IGF1R: variants seen among roughly 807,000 people sequenced by gnomAD.
IGF1R encodes insulin like growth factor 1 receptor, also known as insulin-like growth factor 1 receptor.
In IGF1R, 44 loss-of-function variants were observed where a neutral mutation model predicts 144.6. The ratio of observed to expected loss-of-function variants is 0.30; its 90% CI spans 0.24 to 0.39. The LOEUF (loss-of-function observed/expected upper bound fraction) is 0.39. IGF1R is among the 10% of genes least tolerant of loss of function. The pLI is 1.00. For missense variants in IGF1R, 1,355 were observed against 1,833.7 expected, an observed-to-expected ratio of 0.74 and a Z score of 4.77; for synonymous variants, 795 against 722.8, an observed-to-expected ratio of 1.10 and a Z score of -1.60.
At chr15:98,863,516 A>G (rs1052351297) in intron 2 of IGF1R, among the ~76,000 whole-genome samples, 7 of 152,180 alleles carry the variant, frequency 4.6e-5, no homozygotes, top group African/African-American at 1.7e-4. Context: ...TACACTTAGT[A>G]ATTGGATTCT....
At chr15:98,814,721 C>T (rs894609436) in intron 2 of IGF1R, among the ~76,000 whole-genome samples, 1 of 152,016 alleles carries the variant, frequency 6.6e-6, no homozygotes, top group Admixed American at 6.6e-5. Context: ...AGTGTCTTGG[C>T]CATTTGGAAT....
intron 2 of IGF1R, among the ~76,000 whole-genome samples, chr15:98,756,995 G>A (rs1418541079): frequency 6.6e-6 from 1 of 152,158 alleles, no homozygotes; most frequent in African/African-American, 2.4e-5. Context: ...CCAAGTACAT[G>A]ATTAAGTTTT....
At chr15:98,912,865 C>T (rs1222080882) in intron 7 of IGF1R, among the ~76,000 whole-genome samples, 179 bp from the exon 8 acceptor site, 1 of 152,118 alleles carries the variant, frequency 6.6e-6, no homozygotes, top group African/African-American at 2.4e-5. Context: ...TCTGTAATGC[C>T]CGACTGGGGA....
intron 1 of IGF1R, among the ~76,000 whole-genome samples, chr15:98,670,698 G>C (rs974392895): frequency 5.3e-5 from 8 of 152,194 alleles, no homozygotes; most frequent in Non-Finnish European, 1.0e-4. Context: ...TTTGCACATT[G>C]CAGTTATATT....
Position 98,703,559 on chromosome 15 carries a change from T to G in IGF1R, c.95-4003T>G, listed in dbSNP as rs1237759673. On this transcript the variant is annotated intron_variant, in intron 1 of 20. Transcript: ENST00000650285. ...TCGTGCTCTGTGGTTTGGGCTTGTC[T>G]TTTCTTCCAGAGTAAGTGGGTAGCT... Among the ~76,000 whole-genome samples the G allele has an allele frequency of 3.3e-5, 5 of 152,236 alleles. No individual in the cohort carries two copies. The East Asian group carries it at 9.6e-4, about 29-fold the overall frequency.
chr15:98,864,079 G>A (rs2012300552), intron 2 of IGF1R, among the ~76,000 whole-genome samples: 1 of 151,782 alleles, frequency 6.6e-6, no homozygotes. Flanking sequence ...GCAACATAGG[G>A]AAACCACATC....
intron 5 of IGF1R, among the ~76,000 whole-genome samples, chr15:98,908,448 G>C (rs1329196088): frequency 2.0e-5 from 3 of 152,238 alleles, no homozygotes; most frequent in Non-Finnish European, 4.4e-5. Flanking sequence ...GATGGTAATA[G>C]TGGTCATAGA....
At chr15:98,952,088 T>C (rs1000003525) in intron 20 of IGF1R, among the ~76,000 whole-genome samples, 1 of 152,206 alleles carries the variant, frequency 6.6e-6, no homozygotes, top group Non-Finnish European at 1.5e-5. Context: ...CACAGGTACA[T>C]AGTTTGCCTG....
chr15:98,860,168 C>T (rs925728750), intron 2 of IGF1R, among the ~76,000 whole-genome samples: 1 of 152,270 alleles, frequency 6.6e-6, no homozygotes, highest in African/African-American at 2.4e-5. Context: ...TGACTCTGAA[C>T]TGTATGATCA....
intron 2 of IGF1R, among the ~76,000 whole-genome samples, chr15:98,853,097 T>C (rs553665603): frequency 1.8e-4 from 27 of 152,356 alleles, no homozygotes; most frequent in Non-Finnish European, 3.5e-4. Flanking sequence ...TTTCTCGTTA[T>C]TGTTGCTGGT....
chr15:98,689,455 G>A (rs2053421732), intron 1 of IGF1R, among the ~76,000 whole-genome samples: 1 of 145,034 alleles, frequency 6.9e-6, no homozygotes, highest in Non-Finnish European at 1.5e-5. Flanking sequence ...TTCAAATTCT[G>A]ACCTCAAGCC....
intron 3 of IGF1R, among the ~76,000 whole-genome samples, chr15:98,893,191 TGAG>T (rs1212987865): frequency 6.6e-6 from 1 of 152,196 alleles, no homozygotes; most frequent in Non-Finnish European, 1.5e-5. Flanking sequence ...TGAAGTACAT[TGAG>T]GAAGTGTTTA....
At position 98,894,435 on chromosome 15, in the gene IGF1R, ATAGT is replaced by A. The variant is rs546709427; in HGVS notation, c.954-2315_954-2312del. On this transcript the variant is annotated intron_variant, in intron 3 of 20. Transcript: ENST00000650285. ...AAATTACTCAGATGTCCTATGATAG[ATAGT>A]TAGTTAAACTGTGGGACATCCACAC... Among the ~76,000 whole-genome samples the A allele has an allele frequency of 1.2e-3, 188 of 152,338 alleles. 1 individual carries two copies. The highest frequency in any genetic ancestry group is 3.5e-3 in the African/African-American group (144 of 41,578).
chr15:98,682,370 T>G (rs2053212640), intron 1 of IGF1R, among the ~76,000 whole-genome samples: 1 of 152,156 alleles, frequency 6.6e-6, no homozygotes. Context: ...ACCTTCACAT[T>G]GAAGAAGCAT....
chr15:98,745,823 G>A (rs1247495579), intron 2 of IGF1R, among the ~76,000 whole-genome samples: 1 of 152,184 alleles, frequency 6.6e-6, no homozygotes, highest in African/African-American at 2.4e-5. Context: ...GTGTAAAACG[G>A]TACAACCTTT....
intron 1 of IGF1R, among the ~76,000 whole-genome samples, chr15:98,676,526 CAT>C (rs1442513950): frequency 6.6e-6 from 1 of 151,812 alleles, no homozygotes; most frequent in East Asian, 1.9e-4. Context: ...CTTCATTATA[CAT>C]GTTAACATCT....
chr15:98,946,477 T>A (rs1440321437), intron 19 of IGF1R, among the ~76,000 whole-genome samples: 2 of 151,518 alleles, frequency 1.3e-5, no homozygotes, highest in African/African-American at 4.9e-5. Flanking sequence ...AAAGGAGAGG[T>A]GGTGGTGGGC....
Position 98,707,192 on chromosome 15 carries a change from A to G in IGF1R, c.95-370A>G, listed in dbSNP as rs2053885705. 1.3e-5 allele frequency among the ~76,000 whole-genome samples: 2 copies of G among 152,236 alleles called. No individual in the cohort carries two copies. The highest frequency in any genetic ancestry group is 2.9e-5 in the Non-Finnish European group (2 of 68,038). On this transcript the variant is annotated intron_variant, in intron 1 of 20. Coordinates refer to ENST00000650285, the MANE Select transcript of IGF1R (RefSeq NM_000875.5). This position sits in a 1 kb window ranked among gnomAD's most constrained non-coding sequence, Gnocchi z 6.7. ...CAGGCCTTGGCAACTGACGCTCTGC[A>G]GAACGGACCAGGAGTGTGCGGTGGT...
At chr15:98,874,007 C>T (rs1489126846) in intron 2 of IGF1R, among the ~76,000 whole-genome samples, 2 of 152,126 alleles carry the variant, frequency 1.3e-5, no homozygotes, top group East Asian at 1.9e-4. Flanking sequence ...CATGACTGAG[C>T]TTATTAAGAG....
Sources: gnomAD v4.1 joint callset for allele counts (sites outside exome capture counted in the v4.1 genomes callset) on GRCh38, gnomAD v4.1.1 for gene constraint, Gnocchi (gnomAD v3.1) non-coding constraint, MANE v1.5 for transcripts, NCBI Gene and HGNC (gene_info 2026-07-23, HGNC 2026-07-21) for gene names.